Variants in RC3H2 observed in about 807,000 individuals in gnomAD.
The protein encoded by RC3H2 is ring finger and CCCH-type domains 2.
A neutral mutation model predicts 133.3 loss-of-function variants in RC3H2; 31 were observed. The ratio of observed to expected loss-of-function variants is 0.23; its 90% CI spans 0.17 to 0.31. The LOEUF (loss-of-function observed/expected upper bound fraction) is 0.31, where lower values mean the gene tolerates loss of function less well. Among genes scored for constraint, RC3H2 ranks in the 10% least tolerant of loss-of-function variants. RC3H2 has a pLI of 1.00. For synonymous variants in RC3H2, 517 were observed against 502.2 expected (o/e 1.03, Z -0.40); for missense variants, 1,175 against 1,437.2 (o/e 0.82, Z 2.95).
chr9:122,888,802 C>T (rs1832041005), intron 4 of RC3H2, among the ~76,000 whole-genome samples: 1 of 152,172 alleles, frequency 6.6e-6, no homozygotes, highest in South Asian at 2.1e-4. Context: ...TGTATGCATT[C>T]TGTACCTTCT....
chr9:122,861,477 CG>C (rs1554768690), intron 10 of RC3H2, among the ~76,000 whole-genome samples: 2 of 128,752 alleles, frequency 1.6e-5, no homozygotes, highest in Non-Finnish European at 3.1e-5. Flanking sequence ...GCAACAAGAG[CG>C]AAACTCCGTC....
At chr9:122,860,297 G>C (rs1173389552) in intron 10 of RC3H2, among the ~76,000 whole-genome samples, 166 bp from the exon 11 acceptor site, 1 of 151,954 alleles carries the variant, frequency 6.6e-6, no homozygotes, top group Non-Finnish European at 1.5e-5. Flanking sequence ...ACCTTACACA[G>C]CTAATTCACG....
At chr9:122,899,498 C>G (rs1011165727) in intron 1 of RC3H2, among the ~76,000 whole-genome samples, 1 of 152,210 alleles carries the variant, frequency 6.6e-6, no homozygotes, top group Non-Finnish European at 1.5e-5. Context: ...TCAAACAGCT[C>G]TAATGCAAAT....
Position 122,875,234 on chromosome 9 carries a change from G to C in RC3H2, c.1325+2237C>G. 4 of 1,551,096 alleles carry C rather than the reference G, an allele frequency of 2.6e-6. No homozygotes were observed. The South Asian group carries it at 3.6e-5, about 14-fold the overall frequency. On this transcript the variant is annotated intron_variant, in intron 9 of 20. Coordinates refer to ENST00000357244, the MANE Select transcript of RC3H2 (RefSeq NM_001100588.3). Reference sequence around the variant, plus strand: ...AAACTGAGAAGAGAAGCATGTTTCTGCTCTTTTCACTGCACACACACTTAT... The same window carrying C: ...AAACTGAGAAGAGAAGCATGTTTCTCCTCTTTTCACTGCACACACACTTAT...
rs1829908838 is a variant in RC3H2 at position 122,848,245 on chromosome 9, TA to T, written c.*1381del. The T allele has an allele frequency of 6.6e-6, 1 of 151,990 alleles. No homozygotes were observed. The highest frequency in any genetic ancestry group is 2.4e-5 in the African/African-American group (1 of 41,372). The allele number at this position is 151,990 out of a possible 1,614,324, so 9.4% of individuals were successfully genotyped here. Reference sequence around the variant, plus strand: ...AGTAAACAACTTCACAGAAGTTAATTAAAAAAATAATAATAAAAGTCAAACT... The same window carrying T: ...AGTAAACAACTTCACAGAAGTTAATTAAAAAATAATAATAAAAGTCAAACT... On this transcript the variant is annotated 3_prime_UTR_variant, in exon 21 of 21. Coordinates refer to ENST00000357244, the MANE Select transcript of RC3H2 (RefSeq NM_001100588.3).
intron 10 of RC3H2, among the ~76,000 whole-genome samples, chr9:122,860,340 G>A (rs1307036964): frequency 2.0e-5 from 3 of 151,760 alleles, no homozygotes; most frequent in African/African-American, 4.8e-5. Flanking sequence ...ATTCCTGTGT[G>A]GGCCACAGGG....
intron 9 of RC3H2, chr9:122,875,236 T>C: frequency 1.3e-6 from 2 of 1,551,210 alleles, no homozygotes; most frequent in Non-Finnish European, 1.7e-6. Flanking sequence ...ATGTTTCTGC[T>C]CTTTTCACTG....
At chr9:122,850,289 T>A (rs1276119061) in intron 20 of RC3H2, among the ~76,000 whole-genome samples, 1 of 152,020 alleles carries the variant, frequency 6.6e-6, no homozygotes, top group Non-Finnish European at 1.5e-5. Flanking sequence ...AAGTCCTGTT[T>A]TCCAAAAGTT....
chr9:122,851,622 G>A (rs575325233), intron 18 of RC3H2, 186 bp from the exon 19 acceptor site: 1 of 767,132 alleles, frequency 1.3e-6, no homozygotes, highest in East Asian at 2.9e-5. Context: ...TCAGCCTGCA[G>A]AGTGCCTGCA....
At chr9:122,880,891 C>A in intron 5 of RC3H2, 97 bp from the exon 6 acceptor site, 1 of 788,022 alleles carries the variant, frequency 1.3e-6, no homozygotes. Context: ...GGGATACTTA[C>A]ATATCAGACA....
chr9:122,892,788 T>C, intron 3 of RC3H2, 121 bp downstream of exon 3: 2 of 708,236 alleles, frequency 2.8e-6, no homozygotes, highest in Non-Finnish European at 4.8e-6. Flanking sequence ...TATACATTTT[T>C]CAAGGCATTT....
At position 122,870,044 on chromosome 9, in the gene RC3H2, A is replaced by C. The variant is rs138160146; in HGVS notation, c.1326-4387T>G. On this transcript the variant is annotated intron_variant, in intron 9 of 20. Transcript: ENST00000357244. The stretch of plus-strand genomic sequence containing the variant: ...CATTATTCTTTTCCTCAGAGTTCCT[A>C]TACAGAATATCGTGTCTCCTTGCTT... Among the ~76,000 whole-genome samples, 56 of 152,180 alleles carry C rather than the reference A, an allele frequency of 3.7e-4. No homozygotes were observed. In the East Asian group the frequency reaches 0.01, roughly 27 times the overall value.
chr9:122,853,884 T>A (rs1830145153), intron 18 of RC3H2, 68 bp downstream of exon 18: 1 of 1,614,032 alleles, frequency 6.2e-7, no homozygotes, highest in African/African-American at 1.3e-5. Flanking sequence ...TCAGTAATGG[T>A]ATAACCAAGA....
At chr9:122,852,665 G>A (rs1408364329) in intron 18 of RC3H2, among the ~76,000 whole-genome samples, 2 of 148,594 alleles carry the variant, frequency 1.3e-5, no homozygotes, top group African/African-American at 2.5e-5. Flanking sequence ...CAGCCGCCCT[G>A]TCCGGGAGGT....
chr9:122,883,409 G>A, intron 4 of RC3H2, 30 bp from the exon 5 acceptor site: 1 of 1,549,010 alleles, frequency 6.5e-7, no homozygotes, highest in Non-Finnish European at 8.7e-7. Context: ...ATGAGTTCAT[G>A]ACAAATGAGG....
In RC3H2 at chr9:122,858,037, A is replaced by T; in HGVS notation, c.2340T>A (p.Asp780Glu). ...TCTGAGTGTGGTACTGTGCCCACTG[A>T]TCTGGCTTTCTTCTTATCTGCTCCT... ...SCEEQIRRKPDQWAQYHTQKA... is the reference protein window; with the variant it reads ...SCEEQIRRKPEQWAQYHTQKA... Residue 780 changes from aspartate (D) to glutamate (E), a missense_variant, in exon 13 of 21, where the codon GAT becomes GAA. Physicochemically the swap from Asp to Glu is conservative, Grantham distance 45. Around this residue, in one of 8 missense-constraint regions of RC3H2, gnomAD observed 490 missense variants for 492.8 expected, o/e 0.99. Coordinates refer to ENST00000357244, the MANE Select transcript of RC3H2 (RefSeq NM_001100588.3). 6.2e-7 allele frequency: 1 copy of T among 1,614,228 alleles called. No individual in the cohort carries two copies. Among genetic ancestry groups the T allele is most frequent in the Non-Finnish European group, 8.5e-7 (1 of 1,180,022 alleles).
chr9:122,877,587 C>CA lies in RC3H2; in HGVS notation c.1213-5dup. The CA allele has an allele frequency of 6.2e-7, 1 of 1,612,038 alleles. No individual in the cohort carries two copies. Among genetic ancestry groups the CA allele is most frequent in the Middle Eastern group, 1.7e-4 (1 of 6,054 alleles). ...TGTATTTGCTGTTTGGCTGAGGCTACAAAAATGGGAACACATTCAATGAGT... is the reference window on the plus strand; with the variant it reads ...TGTATTTGCTGTTTGGCTGAGGCTACAAAAAATGGGAACACATTCAATGAGT... On this transcript the variant is annotated splice_polypyrimidine_tract_variant and splice_region_variant and intron_variant, in intron 8 of 20. Transcript: ENST00000357244.
rs1248585145 is a variant in RC3H2 at position 122,897,542 on chromosome 9, G to A, written c.-33C>T. The A allele has an allele frequency of 6.3e-7, 1 of 1,592,316 alleles. No individual in the cohort carries two copies. Among genetic ancestry groups the A allele is most frequent in the East Asian group, 2.3e-5 (1 of 44,422 alleles). Reference sequence around the variant, plus strand: ...GCTGGATGCTCGGGTTAGCAGTCTAGCAGATCATTATTTTGCTGTGTAGTG... The same window carrying A: ...GCTGGATGCTCGGGTTAGCAGTCTAACAGATCATTATTTTGCTGTGTAGTG... On this transcript the variant is annotated 5_prime_UTR_variant, in exon 2 of 21. Coordinates refer to ENST00000357244, the MANE Select transcript of RC3H2 (RefSeq NM_001100588.3).
At chr9:122,866,829 C>A (rs1397071618) in intron 9 of RC3H2, among the ~76,000 whole-genome samples, 2 of 152,136 alleles carry the variant, frequency 1.3e-5, no homozygotes, top group Non-Finnish European at 2.9e-5. Flanking sequence ...GCCGCCACCC[C>A]GTCTGGGAAG....
Sources: allele counts gnomAD v4.1 joint callset (sites outside exome capture counted in the v4.1 genomes callset), GRCh38; gene constraint gnomAD v4.1.1; regional missense constraint gnomAD v4.1.1; transcripts MANE v1.5; gene names NCBI Gene and HGNC (gene_info 2026-07-23, HGNC 2026-07-21).